Variants in SEH1L observed in about 807,000 individuals in gnomAD.
The protein encoded by SEH1L is SEH1 like nucleoporin.
Under a neutral mutation model 49.5 loss-of-function variants are expected in SEH1L, and 18 were observed. The ratio of observed to expected loss-of-function variants is 0.36; its 90% CI spans 0.25 to 0.54. The LOEUF is 0.54. Among genes scored for constraint, SEH1L ranks in the 20% least tolerant of loss-of-function variants. The pLI is 0.87. For synonymous variants in SEH1L, 169 were observed against 178.1 expected (o/e 0.95, Z 0.41); for missense variants, 404 against 528.8 (o/e 0.76, Z 2.31).
At chr18:12,972,697 A>C (rs1353331412) in intron 5 of SEH1L, 1 of 152,258 alleles carries the variant, frequency 6.6e-6, no homozygotes. Flanking sequence ...TGGTGTCTGC[A>C]GAGAGGCTCA....
At position 12,986,908 on chromosome 18, in the gene SEH1L, T is replaced by G. The variant is rs1598988136; in HGVS notation, c.1117T>G (p.Ser373Ala). The G allele has an allele frequency of 4.3e-6, 7 of 1,612,598 alleles. No homozygotes were observed. In the East Asian group the frequency reaches 1.3e-4, roughly 31 times the overall value. ...LDSPRAGSRW[S>A]SYAQLLPPPP... ...TTCCCCACGGGCTGGATCGAGATGGTCCAGTTATGCCCAGCTCCTTCCTCC... is the reference window on the plus strand; with the variant it reads ...TTCCCCACGGGCTGGATCGAGATGGGCCAGTTATGCCCAGCTCCTTCCTCC... Residue 373 changes from serine to alanine, a missense_variant, in exon 9 of 9, where the codon TCC (serine) becomes GCC (alanine). Coordinates refer to ENST00000399892, the MANE Select transcript of SEH1L (RefSeq NM_001013437.2).
chr18:12,967,999 T>G (rs1473644290), intron 4 of SEH1L, among the ~76,000 whole-genome samples: 5 of 152,152 alleles, frequency 3.3e-5, no homozygotes, highest in Admixed American at 3.3e-4. Context: ...AGTTTACAAG[T>G]GCAGAATCTC....
chr18:12,958,608 C>T (rs2031020538), intron 3 of SEH1L, among the ~76,000 whole-genome samples: 1 of 152,104 alleles, frequency 6.6e-6, no homozygotes, highest in African/African-American at 2.4e-5. Flanking sequence ...CAGTATTTGT[C>T]CATTTGCAAC....
Position 12,982,532 on chromosome 18 carries a change from C to T in SEH1L, c.776C>T (p.Ser259Phe). Residue 259 changes from serine to phenylalanine, a missense_variant, in exon 7 of 9, where the codon TCC becomes TTC. Ser to Phe is a radical substitution (Grantham distance 155). Around this residue, in one of 3 missense-constraint regions of SEH1L, gnomAD observed 342 missense variants for 430.8 expected, o/e 0.79. Coordinates refer to ENST00000399892, the MANE Select transcript of SEH1L (RefSeq NM_001013437.2). ...TTTATTAACAGGAAAGAACTGACTT[C>T]CTCTGGTGGGCCAACAAAGTTTGAA... ...TLKPVRKELTSSGGPTKFEIH... is the reference protein window; with the variant it reads ...TLKPVRKELTFSGGPTKFEIH... 3 of 1,610,372 alleles carry T rather than the reference C, an allele frequency of 1.9e-6. No individual in the cohort carries two copies. The highest frequency in any genetic ancestry group is 2.5e-6 in the Non-Finnish European group (3 of 1,178,916).
chr18:12,983,948 T>G (rs1287373105), intron 7 of SEH1L, 92 bp from the exon 8 acceptor site: 1 of 891,668 alleles, frequency 1.1e-6, no homozygotes, highest in African/African-American at 1.7e-5. Flanking sequence ...CTGTCTCGTT[T>G]CTTTAATTGT....
intron 6 of SEH1L, among the ~76,000 whole-genome samples, chr18:12,982,288 T>C (rs1185344848): frequency 6.6e-6 from 1 of 152,198 alleles, no homozygotes; most frequent in Non-Finnish European, 1.5e-5. Flanking sequence ...GTATCATTTA[T>C]GTGCTGGGAT....
chr18:12,985,317 C>A, intron 8 of SEH1L: 1 of 1,579,824 alleles, frequency 6.3e-7, no homozygotes, highest in Non-Finnish European at 8.6e-7. Flanking sequence ...GAATGGAAAG[C>A]GAGCTCCTTT....
chr18:12,960,311 T>C (rs184663762), intron 3 of SEH1L, among the ~76,000 whole-genome samples: 2 of 152,396 alleles, frequency 1.3e-5, no homozygotes, highest in African/African-American at 2.4e-5. Context: ...ACAAATTATT[T>C]ATTTCAGTCA....
intron 2 of SEH1L, among the ~76,000 whole-genome samples, chr18:12,952,232 C>CTTTT (rs746291412): frequency 7.5e-6 from 1 of 133,474 alleles, no homozygotes; most frequent in Non-Finnish European, 1.6e-5. Context: ...TAGAAATTTT[C>CTTTT]TTTTTTTTTT....
At chr18:12,962,377 GAAA>G (rs540878226) in intron 3 of SEH1L, among the ~76,000 whole-genome samples, 1 of 70,884 alleles carries the variant, frequency 1.4e-5, no homozygotes, top group African/African-American at 4.9e-5. Flanking sequence ...CTGTCCCTAA[GAAA>G]AAAAAAAAAA....
chr18:12,969,497 G>A (rs1568220392), intron 4 of SEH1L, among the ~76,000 whole-genome samples: 1 of 151,826 alleles, frequency 6.6e-6, no homozygotes, highest in Non-Finnish European at 1.5e-5. Flanking sequence ...AGACCATCCT[G>A]GCCAACATGG....
In SEH1L at chr18:12,963,571, T is replaced by C. The variant is rs574384139; in HGVS notation, c.521+200T>C. On this transcript the variant is annotated intron_variant, in intron 4 of 8. Transcript: ENST00000399892. ...GAAGCCGGCATTGTAAATATTTTCA[T>C]GTGAACCTTTTGGATGTTTTCTATG... Among the ~76,000 whole-genome samples, 13 of 152,370 alleles carry C rather than the reference T, an allele frequency of 8.5e-5. 2 individuals are homozygous for C. The highest frequency in any genetic ancestry group is 3.1e-4 in the African/African-American group (13 of 41,596).
chr18:12,974,221 C>T (rs1417979307), intron 5 of SEH1L: 2 of 152,122 alleles, frequency 1.3e-5, no homozygotes, highest in African/African-American at 2.4e-5. Flanking sequence ...TTAGATTGAA[C>T]GTGGAGGAGA....
In SEH1L at chr18:12,962,459, C is replaced by CTTTTTTTTT. The variant is rs3070220; in HGVS notation, c.310-683_310-675dup. The stretch of plus-strand genomic sequence containing the variant: ...TTGAGAGAAGAAATTGCATGCCTTT[C>CTTTTTTTTT]TTTTTTTTTTTTTTTTTTTTTTTTT... On this transcript the variant is annotated intron_variant, in intron 3 of 8. Coordinates refer to ENST00000399892, the MANE Select transcript of SEH1L (RefSeq NM_001013437.2). Among the ~76,000 whole-genome samples, 194 of 63,652 alleles carry CTTTTTTTTT rather than the reference C, an allele frequency of 3.0e-3. 53 individuals are homozygous for CTTTTTTTTT. The highest frequency in any genetic ancestry group is 0.014 in the East Asian group (24 of 1,736). The allele number at this position is 63,652 out of a possible 152,430, so 41.8% of individuals were successfully genotyped here.
At chr18:12,958,172 C>A (rs1213895780) in intron 3 of SEH1L, among the ~76,000 whole-genome samples, 1 of 137,830 alleles carries the variant, frequency 7.3e-6, no homozygotes, top group Non-Finnish European at 1.5e-5. Flanking sequence ...CATTCTCCGC[C>A]TCCGGGGTTC....
At chr18:12,960,686 G>A (rs1397292123) in intron 3 of SEH1L, among the ~76,000 whole-genome samples, 1 of 152,190 alleles carries the variant, frequency 6.6e-6, no homozygotes, top group Non-Finnish European at 1.5e-5. Flanking sequence ...TTAAGTCTGA[G>A]GTGTGTCAGT....
chr18:12,952,423 G>C (rs2030597919), intron 2 of SEH1L, among the ~76,000 whole-genome samples: 1 of 151,988 alleles, frequency 6.6e-6, no homozygotes, highest in Non-Finnish European at 1.5e-5. Flanking sequence ...AGCAGAGATG[G>C]GGTTTCGCCA....
At chr18:12,956,275 A>AC (rs2030853228) in intron 3 of SEH1L, among the ~76,000 whole-genome samples, 1 of 151,822 alleles carries the variant, frequency 6.6e-6, no homozygotes. Context: ...CGATCTCCTG[A>AC]CCTCGTGATC....
At chr18:12,957,085 A>G (rs189524402) in intron 3 of SEH1L, among the ~76,000 whole-genome samples, 222 of 150,512 alleles carry the variant, frequency 1.5e-3, no homozygotes, top group African/African-American at 5.1e-3. Context: ...AAAAAATTCT[A>G]TAAAAATTGT....
Sources: allele counts gnomAD v4.1 joint callset (sites outside exome capture counted in the v4.1 genomes callset), GRCh38; gene constraint gnomAD v4.1.1; regional missense constraint gnomAD v4.1.1; transcripts MANE v1.5; gene names NCBI Gene and HGNC (gene_info 2026-07-23, HGNC 2026-07-21).